The following CNBP variants were observed in gnomAD, a reference collection of about 807,000 sequenced individuals.
CNBP encodes cellular nucleic acid-binding protein.
In CNBP, 6 loss-of-function variants were observed where a neutral mutation model predicts 21.2. The observed-to-expected ratio is 0.28, with a 90% CI of 0.16 to 0.56. The LOEUF (loss-of-function observed/expected upper bound fraction) is 0.56. CNBP is among the 20% of genes least tolerant of loss of function. The pLI, the probability that CNBP is intolerant of heterozygous loss-of-function variation, is 0.93. For missense variants in CNBP, 112 were observed against 233.1 expected (o/e 0.48, Z 3.38); for synonymous variants, 61 against 74.9 (o/e 0.81, Z 0.96).
intron 1 of CNBP, among the ~76,000 whole-genome samples, chr3:129,179,133 C>T (rs935238876): frequency 2.6e-5 from 4 of 151,862 alleles, no homozygotes; most frequent in Non-Finnish European, 4.4e-5. Context: ...CAAAATTGGC[C>T]GGGTGTGGTG....
At chr3:129,182,693 G>GT (rs1182006473) in intron 1 of CNBP, among the ~76,000 whole-genome samples, 3 of 152,066 alleles carry the variant, frequency 2.0e-5, no homozygotes, top group South Asian at 2.1e-4. Context: ...ACAAATTCGT[G>GT]TTTTTTCTGG....
chr3:129,181,382 G>A (rs1012490369), intron 1 of CNBP, among the ~76,000 whole-genome samples: 16 of 151,270 alleles, frequency 1.1e-4, no homozygotes, highest in African/African-American at 1.5e-4. Flanking sequence ...GGCCAGGCGC[G>A]GTGGCTCCTG....
rs368927297 is a variant in CNBP at position 129,171,426 on chromosome 3, AG to A, written c.217+19del. ...CTCCAAGCTCTAGAGGGGTATGAAA[AG>A]GAAGTGTTAAATACTTACCATCCTC... is the stretch of plus-strand genomic sequence containing the variant. On this transcript the variant is annotated intron_variant, in intron 3 of 4. Coordinates refer to ENST00000422453, the MANE Select transcript of CNBP (RefSeq NM_003418.5). The A allele has an allele frequency of 8.8e-5, 142 of 1,609,626 alleles. No homozygotes were observed. The African/African-American group carries it at 1.5e-3, about 17-fold the overall frequency.
At chr3:129,181,239 CAAAAAAAAAAA>C (rs10587328) in intron 1 of CNBP, among the ~76,000 whole-genome samples, 4 of 53,176 alleles carry the variant, frequency 7.5e-5, no homozygotes, top group South Asian at 9.0e-4. Context: ...GACTCTGTCT[CAAAAAAAAAAA>C]AAAAAAAAAA....
In CNBP at chr3:129,168,463, G is replaced by A. The variant is rs1473959812; in HGVS notation, c.*1990C>T. Among the ~76,000 whole-genome samples, 1 of 149,268 alleles carries A rather than the reference G, an allele frequency of 6.7e-6. No homozygotes were observed. The highest frequency in any genetic ancestry group is 1.5e-5 in the Non-Finnish European group (1 of 67,396). On this transcript the variant is annotated 3_prime_UTR_variant, in exon 5 of 5. Transcript: ENST00000422453. ...ATAACAAAAATTAGCTGGGTGTGGT[G>A]GCGGACACCTGTAATCCCAGCTATT...
rs781421256 is a variant in CNBP at position 129,170,586 on chromosome 3, A to G, written c.417-16T>C. The G allele has an allele frequency of 5.6e-6, 9 of 1,607,550 alleles. No individual in the cohort carries two copies. Among genetic ancestry groups the G allele is most frequent in the East Asian group, 4.5e-5 (2 of 44,868 alleles). ...TTCACCACACCTAAAAAAGAAATTA[A>G]AAGTTTTCACAATGGGCCTCAGAAA... is the stretch of plus-strand genomic sequence containing the variant. On this transcript the variant is annotated splice_polypyrimidine_tract_variant and intron_variant, in intron 4 of 4. Coordinates refer to ENST00000422453, the MANE Select transcript of CNBP (RefSeq NM_003418.5).
intron 1 of CNBP, among the ~76,000 whole-genome samples, chr3:129,180,462 G>A (rs1320743342): frequency 1.3e-5 from 2 of 152,214 alleles, no homozygotes; most frequent in East Asian, 1.9e-4. Flanking sequence ...GGTGATCACT[G>A]TAGCACTCTC....
intron 1 of CNBP, among the ~76,000 whole-genome samples, chr3:129,182,020 A>C (rs1296598702): frequency 6.6e-6 from 1 of 152,046 alleles, no homozygotes; most frequent in African/African-American, 2.4e-5. Context: ...GAAGCATTTA[A>C]AACTATTTAG....
chr3:129,178,744 T>C (rs1219618106), intron 1 of CNBP, among the ~76,000 whole-genome samples: 1 of 150,564 alleles, frequency 6.6e-6, no homozygotes, highest in Non-Finnish European at 1.5e-5. Context: ...ACTGAAACAC[T>C]TCAGATTTTT....
intron 4 of CNBP, 87 bp downstream of exon 4, chr3:129,170,992 T>C: frequency 1.4e-6 from 2 of 1,379,670 alleles, no homozygotes. Context: ...TTCACTGAAT[T>C]TACTAAGGCC....
intron 4 of CNBP, among the ~76,000 whole-genome samples, 178 bp downstream of exon 4, chr3:129,170,901 C>T (rs1253267773): frequency 6.6e-6 from 1 of 152,128 alleles, no homozygotes; most frequent in African/African-American, 2.4e-5. Flanking sequence ...CACAGGATAT[C>T]AGGGCAGAAT....
intron 1 of CNBP, among the ~76,000 whole-genome samples, chr3:129,180,600 T>C (rs1221986372): frequency 1.3e-5 from 2 of 152,212 alleles, no homozygotes; most frequent in Admixed American, 6.5e-5. Flanking sequence ...CTCAATGGCA[T>C]TCCCTTGCTG....
In CNBP at chr3:129,170,389, A is replaced by T. The variant is rs1422128729; in HGVS notation, c.*64T>A. On this transcript the variant is annotated 3_prime_UTR_variant, in exon 5 of 5. Coordinates refer to ENST00000422453, the MANE Select transcript of CNBP (RefSeq NM_003418.5). Reference sequence around the variant, plus strand: ...CTATCTGCCAACCTTTGGCCAGTGAAGAGGATTCAGAGAAAATAATACAAC... The same window carrying T: ...CTATCTGCCAACCTTTGGCCAGTGATGAGGATTCAGAGAAAATAATACAAC... 2 of 1,389,020 alleles carry T rather than the reference A, an allele frequency of 1.4e-6. No individual in the cohort carries two copies. The highest frequency in any genetic ancestry group is 2.1e-6 in the Non-Finnish European group (2 of 975,358). 86.0% of individuals were successfully genotyped at this position (1,389,020 alleles called of 1,614,324 possible).
rs1938258233 is a variant in CNBP, at chr3:129,181,137, G to A, written c.-15+2639C>T. ...CGCCTGTAATCCCAGCTACTTGGGA[G>A]GCTGAGGCAGGAGAATTGCTTGAGC... On this transcript the variant is annotated intron_variant, in intron 1 of 4. Transcript: ENST00000422453. 2.7e-5 allele frequency among the ~76,000 whole-genome samples: 4 copies of A among 149,972 alleles called. No homozygotes were observed. The South Asian group carries it at 8.4e-4, about 32-fold the overall frequency.
Position 129,171,263 on chromosome 3 carries a change from C to G in CNBP, c.232G>C (p.Gly78Arg). ...TCCTTGGCAATGTGGCCACCTCTACCGCAGTTATAGCAGGCTTCAACAATA... is the reference window on the plus strand; with the variant it reads ...TCCTTGGCAATGTGGCCACCTCTACGGCAGTTATAGCAGGCTTCAACAATA... ...DLQEDACYNC[G>R]RGGHIAKDCK... Residue 78 changes from glycine to arginine, a missense_variant, in exon 4 of 5, where the codon GGT becomes CGT. Coordinates refer to ENST00000422453, the MANE Select transcript of CNBP (RefSeq NM_003418.5). The G allele has an allele frequency of 6.2e-7, 1 of 1,614,198 alleles. No homozygotes were observed. Among genetic ancestry groups the G allele is most frequent in the Non-Finnish European group, 8.5e-7 (1 of 1,180,034 alleles).
Position 129,170,408 on chromosome 3 carries a change from A to G in CNBP, c.*45T>C, listed in dbSNP as rs1278228243. 2.0e-6 allele frequency: 3 copies of G among 1,508,656 alleles called. No homozygotes were observed. The highest frequency in any genetic ancestry group is 2.2e-5 in the South Asian group (2 of 88,986). 93.5% of individuals were successfully genotyped at this position (1,508,656 alleles called of 1,614,324 possible). ...CAGTGAAGAGGATTCAGAGAAAATA[A>G]TACAACCATCAATCAGAAAAAGGAG... is the stretch of plus-strand genomic sequence containing the variant. On this transcript the variant is annotated 3_prime_UTR_variant, in exon 5 of 5. Transcript: ENST00000422453.
At position 129,183,861 on chromosome 3, in the gene CNBP, T is replaced by A. The variant is rs187337574; in HGVS notation, c.-100A>T. The A allele has an allele frequency of 6.5e-6, 1 of 152,932 alleles. No homozygotes were observed. Among genetic ancestry groups the A allele is most frequent in the Non-Finnish European group, 1.5e-5 (1 of 68,166 alleles). 9.5% of individuals were successfully genotyped at this position (152,932 alleles called of 1,614,324 possible). The stretch of plus-strand genomic sequence containing the variant: ...CTCGCAAGGTAGAGGCTGTTTATTT[T>A]GAGGGTCCTTGCCTGCGCCACACGC... On this transcript the variant is annotated 5_prime_UTR_variant, in exon 1 of 5. Transcript: ENST00000422453.
chr3:129,172,584 G>GCAGA (rs1459188507), intron 1 of CNBP, among the ~76,000 whole-genome samples: 1 of 21,682 alleles, frequency 4.6e-5, no homozygotes, highest in Non-Finnish European at 1.5e-4. Flanking sequence ...AGACAGGCAG[G>GCAGA]CAGGCAGGCA....
At chr3:129,173,768 CAA>C (rs1937695091) in intron 1 of CNBP, among the ~76,000 whole-genome samples, 1 of 152,130 alleles carries the variant, frequency 6.6e-6, no homozygotes, top group South Asian at 2.1e-4. Flanking sequence ...CAATGGCACA[CAA>C]AGTCGTATTT....
Sources: allele counts gnomAD v4.1 joint callset (sites outside exome capture counted in the v4.1 genomes callset), GRCh38; gene constraint gnomAD v4.1.1; transcripts MANE v1.5; gene names NCBI Gene and HGNC (gene_info 2026-07-23, HGNC 2026-07-21).